The following CARD8 variants were observed in gnomAD, a reference collection of about 807,000 sequenced individuals.
CARD8 encodes the protein caspase recruitment domain-containing protein 8.
A neutral mutation model predicts 53.2 loss-of-function variants in CARD8; 38 were observed. That is an observed-to-expected ratio of 0.71 (90% CI 0.55 to 0.94). The LOEUF (loss-of-function observed/expected upper bound fraction) is 0.94. Ranked by LOEUF, CARD8 falls within the 40% of genes least tolerant of loss-of-function variation. The pLI, the probability that CARD8 is intolerant of heterozygous loss-of-function variation, is 0.00. For missense variants in CARD8, 561 were observed against 655.5 expected, an observed-to-expected ratio of 0.86 and a Z score of 1.57; for synonymous variants, 245 against 244.9, an observed-to-expected ratio of 1.00 and a Z score of 0.00.
downstream of CARD8, among the ~76,000 whole-genome samples, chr19:48,205,780 C>T (rs912814088): frequency 2.6e-5 from 4 of 152,058 alleles, no homozygotes; most frequent in African/African-American, 9.7e-5. Context: ...ATGTAACCTC[C>T]GTCTGGGAAA....
chr19:48,251,495 T>C (rs1600761099), intron 1 of CARD8, among the ~76,000 whole-genome samples: 1 of 152,318 alleles, frequency 6.6e-6, no homozygotes, highest in Non-Finnish European at 1.5e-5. Context: ...TACGTTCACA[T>C]CACTGAAACC....
At chr19:48,219,465 A>T (rs1312033059) in intron 11 of CARD8, among the ~76,000 whole-genome samples, 6 of 152,060 alleles carry the variant, frequency 3.9e-5, no homozygotes, top group Non-Finnish European at 7.4e-5. Context: ...CAGGATTCCT[A>T]AAAAAAGCTG....
At chr19:48,231,160 C>G (rs1202248301) in intron 8 of CARD8, among the ~76,000 whole-genome samples, 154 bp from the exon 9 acceptor site, 1 of 152,176 alleles carries the variant, frequency 6.6e-6, no homozygotes, top group South Asian at 2.1e-4. Context: ...GTTCATTAAC[C>G]TCTCTGGGCC....
intron 1 of CARD8, among the ~76,000 whole-genome samples, chr19:48,250,213 A>C (rs1465909939): frequency 1.3e-5 from 2 of 152,220 alleles, no homozygotes; most frequent in African/African-American, 4.8e-5. Context: ...GCCATATTAA[A>C]CTATGTATAT....
chr19:48,237,102 T>C (rs1400839001), intron 5 of CARD8, among the ~76,000 whole-genome samples: 2 of 152,112 alleles, frequency 1.3e-5, no homozygotes, highest in African/African-American at 4.8e-5. Context: ...TGCATTGCTA[T>C]AGAGGACTGT....
chr19:48,218,428 G>A (rs1453047171), intron 12 of CARD8, among the ~76,000 whole-genome samples: 1 of 147,394 alleles, frequency 6.8e-6, no homozygotes, highest in Admixed American at 6.9e-5. Context: ...CACAATCTTG[G>A]CTCACTGCAA....
chr19:48,227,884 T>A (rs2042104210), intron 10 of CARD8, among the ~76,000 whole-genome samples: 2 of 151,234 alleles, frequency 1.3e-5, no homozygotes, highest in African/African-American at 4.9e-5. Flanking sequence ...AGAGCAGAGA[T>A]CCCCAACACC....
At chr19:48,247,408 T>C (rs1158119307) in intron 3 of CARD8, among the ~76,000 whole-genome samples, 1 of 152,170 alleles carries the variant, frequency 6.6e-6, no homozygotes, top group Non-Finnish European at 1.5e-5. Context: ...GACATCATGA[T>C]ACATCCGATG....
intron 11 of CARD8, 49 bp downstream of exon 11, chr19:48,221,681 A>C (rs1289710476): frequency 7.3e-7 from 1 of 1,370,856 alleles, no homozygotes. Flanking sequence ...TTGTTTCAGA[A>C]ATATAAAACA....
rs117116337 is a variant in CARD8 at position 48,230,433 on chromosome 19, C to T, written c.1035+5G>A. The T allele has an allele frequency of 2.0e-4, 327 of 1,598,882 alleles. No homozygotes were observed. The highest frequency in any genetic ancestry group is 2.6e-4 in the Non-Finnish European group (306 of 1,171,502). ...TTCTCTGGTCTCCTAAATCACTCAG[C>T]TTACCTTTGTTAGCAAGGCGTCGCT... On this transcript the variant is annotated splice_donor_5th_base_variant and intron_variant, in intron 10 of 13. Coordinates refer to ENST00000651546, the MANE Select transcript of CARD8 (RefSeq NM_001184900.3).
At chr19:48,248,442 T>C (rs1462079696) in intron 3 of CARD8, among the ~76,000 whole-genome samples, 1 of 152,186 alleles carries the variant, frequency 6.6e-6, no homozygotes, top group African/African-American at 2.4e-5. Context: ...GAATTAATGA[T>C]ATAAATAAGG....
At chr19:48,239,687 A>G (rs111648291) in intron 4 of CARD8, among the ~76,000 whole-genome samples, 6,070 of 151,960 alleles carry the variant, frequency 0.04, 392 homozygotes, top group African/African-American at 0.13. Context: ...TGTTGGCCAG[A>G]CTGGTCTCGA....
chr19:48,219,568 G>A (rs10418239), intron 11 of CARD8, among the ~76,000 whole-genome samples: 12 of 151,926 alleles, frequency 7.9e-5, no homozygotes, highest in Admixed American at 5.9e-4. Context: ...CAAGCCCCCC[G>A]ACCCAGCTCT....
chr19:48,232,787 A>C, intron 6 of CARD8: 1 of 574,680 alleles, frequency 1.7e-6, no homozygotes. Flanking sequence ...GGGCGGATCT[A>C]GACTATCAAG....
intron 3 of CARD8, among the ~76,000 whole-genome samples, chr19:48,241,679 ATTC>A (rs1455382996): frequency 6.6e-6 from 1 of 152,158 alleles, no homozygotes; most frequent in African/African-American, 2.4e-5. Flanking sequence ...CTTGCCTTCC[ATTC>A]TTCTCTCGTA....
intron 12 of CARD8, 144 bp from the exon 13 acceptor site, chr19:48,215,528 G>A (rs1425091338): frequency 1.0e-5 from 6 of 582,610 alleles, no homozygotes; most frequent in East Asian, 9.2e-5. Flanking sequence ...AATACACTGA[G>A]GAAACCCCAT....
intron 4 of CARD8, among the ~76,000 whole-genome samples, chr19:48,240,737 C>CTG (rs2044844235): frequency 6.6e-6 from 1 of 150,578 alleles, no homozygotes; most frequent in Non-Finnish European, 1.5e-5. Flanking sequence ...CCAGCGCACT[C>CTG]TGGCCTGGGC....
intron 4 of CARD8, among the ~76,000 whole-genome samples, chr19:48,239,361 G>T (rs1451351202): frequency 6.6e-6 from 1 of 152,080 alleles, no homozygotes; most frequent in Non-Finnish European, 1.5e-5. Context: ...ATCATAGAAG[G>T]CTAAAATTAC....
chr19:48,238,955 G>T (rs1568869407), intron 4 of CARD8, among the ~76,000 whole-genome samples: 1 of 152,202 alleles, frequency 6.6e-6, no homozygotes. Context: ...TGCCTCCTTT[G>T]ATTCTCAATC....
Sources: gnomAD v4.1 joint callset for allele counts (sites outside exome capture counted in the v4.1 genomes callset) on GRCh38, gnomAD v4.1.1 for gene constraint, MANE v1.5 for transcripts, NCBI Gene and HGNC (gene_info 2026-07-23, HGNC 2026-07-21) for gene names.